EPS8: variants seen among roughly 807,000 people sequenced by gnomAD.
The protein encoded by EPS8 is EGFR pathway substrate 8, signaling adaptor.
In EPS8, 42 loss-of-function variants were observed where a neutral mutation model predicts 103.8. The observed-to-expected ratio is 0.40, with a 90% CI of 0.32 to 0.52. EPS8 has a LOEUF of 0.52. Ranked by LOEUF, EPS8 falls within the 20% of genes least tolerant of loss-of-function variation. The pLI is 0.40. For synonymous variants in EPS8, 344 were observed against 344.6 expected, an observed-to-expected ratio of 1.00 and a Z score of 0.02; for missense variants, 969 against 1,005.1, an observed-to-expected ratio of 0.96 and a Z score of 0.49.
At chr12:15,657,370 C>G (rs1216484780) in intron 12 of EPS8, among the ~76,000 whole-genome samples, 6 of 152,222 alleles carry the variant, frequency 3.9e-5, no homozygotes, top group Non-Finnish European at 2.9e-5. Context: ...TTCCCACACA[C>G]ATAGACACAT....
At chr12:15,720,489 G>T (rs1170900480) in intron 1 of EPS8, among the ~76,000 whole-genome samples, 2 of 152,064 alleles carry the variant, frequency 1.3e-5, no homozygotes, top group African/African-American at 2.4e-5. Flanking sequence ...AGAACATAAT[G>T]GTCACACTAC....
intron 15 of EPS8, among the ~76,000 whole-genome samples, chr12:15,643,879 T>C (rs1945275795): frequency 1.3e-5 from 2 of 152,180 alleles, no homozygotes; most frequent in African/African-American, 4.8e-5. Context: ...CAGCAGTAAT[T>C]TGAGAACTTC....
At chr12:15,722,506 G>C (rs1946607882) in intron 1 of EPS8, among the ~76,000 whole-genome samples, 1 of 152,196 alleles carries the variant, frequency 6.6e-6, no homozygotes, top group African/African-American at 2.4e-5. Context: ...AAGATGCTAT[G>C]TAAAAGGATA....
rs117971475 is a variant in EPS8, at chr12:15,690,270, C to T, written c.-21-7298G>A. ...TTAGGCAACTGCTGTACTGATTCAT[C>T]CCACTTCTCTAAATCATAAATACAT... On this transcript the variant is annotated intron_variant, in intron 1 of 20. Transcript: ENST00000281172. The surrounding 1 kb of genome is among the most constrained non-coding windows in gnomAD (Gnocchi z 4.7). Among the ~76,000 whole-genome samples the T allele has an allele frequency of 1.3e-3, 193 of 152,212 alleles. 4 individuals are homozygous for T. In the East Asian group the frequency reaches 0.035, roughly 28 times the overall value.
chr12:15,621,171 G>A lies in EPS8; in HGVS notation c.*146C>T, dbSNP rs1944855221. 1 of 480,306 alleles carries A rather than the reference G, an allele frequency of 2.1e-6. No homozygotes were observed. The highest frequency in any genetic ancestry group is 3.5e-6 in the Non-Finnish European group (1 of 282,872). 29.8% of individuals were successfully genotyped at this position (480,306 alleles called of 1,614,324 possible). On this transcript the variant is annotated 3_prime_UTR_variant, in exon 21 of 21. Transcript: ENST00000281172. ...AATAATGGGCCTAGAAGCAAATCCT[G>A]TGCTCACTCAGGTTTGCATGGGTTT...
In EPS8 at chr12:15,666,509, C is replaced by T; in HGVS notation, c.530G>A (p.Ser177Asn). 6.2e-7 allele frequency: 1 copy of T among 1,613,554 alleles called. No individual in the cohort carries two copies. Among genetic ancestry groups the T allele is most frequent in the Non-Finnish European group, 8.5e-7 (1 of 1,179,568 alleles). The part of the protein sequence containing the change: ...QCDEVKANLI[S>N]EDIESAISDS... ...ACTGATTGCACTTTCAATATCTTCA[C>T]TAATTAGGTTTGCCTGCAAAGAGAC... is the stretch of plus-strand genomic sequence containing the variant. Residue 177 changes from serine (S) to asparagine (N), a missense_variant, in exon 7 of 21, where the codon AGT becomes AAT. By Grantham distance (46) the Ser-to-Asn change is conservative. Transcript: ENST00000281172.
chr12:15,664,821 C>A (rs181896860), intron 8 of EPS8, among the ~76,000 whole-genome samples: 2 of 152,304 alleles, frequency 1.3e-5, no homozygotes, highest in East Asian at 3.9e-4. Context: ...ACAATTTATT[C>A]GTCCTTAAAA....
At chr12:15,712,058 T>G (rs2417472) in intron 1 of EPS8, among the ~76,000 whole-genome samples, 1 of 152,120 alleles carries the variant, frequency 6.6e-6, no homozygotes, top group Non-Finnish European at 1.5e-5. Context: ...TTAAATGTAA[T>G]AAATCAATAA....
At position 15,690,311 on chromosome 12, in the gene EPS8, A is replaced by G. The variant is rs1421393427; in HGVS notation, c.-21-7339T>C. Among the ~76,000 whole-genome samples the G allele has an allele frequency of 1.3e-5, 2 of 152,230 alleles. No homozygotes were observed. The highest frequency in any genetic ancestry group is 4.8e-5 in the African/African-American group (2 of 41,466). ...ATAAATACATCTCCCGAATATTACT[A>G]CAAGTAAAAACTTAATTGTTAAACC... On this transcript the variant is annotated intron_variant, in intron 1 of 20. Coordinates refer to ENST00000281172, the MANE Select transcript of EPS8 (RefSeq NM_004447.6). The surrounding 1 kb of genome is among the most constrained non-coding windows in gnomAD (Gnocchi z 4.7).
rs7137185 is a variant in EPS8, at chr12:15,623,230, A to C, written c.2283T>G (p.Asp761Glu). 7.9e-3 allele frequency: 12,814 copies of C among 1,613,380 alleles called. 82 individuals carry two copies. The highest frequency in any genetic ancestry group is 0.014 in the Middle Eastern group (84 of 6,056). Reference protein sequence around the residue: ...NGAQLFSLNKDELRTVCPEGA... With the variant: ...NGAQLFSLNKEELRTVCPEGA... Reference sequence around the variant, plus strand: ...CTTCAGGGCAGACTGTCCTCAGTTCATCCTTATTGAGAGAGAAAAGTTGTG... The same window carrying C: ...CTTCAGGGCAGACTGTCCTCAGTTCCTCCTTATTGAGAGAGAAAAGTTGTG... The change falls in exon 20 of 21, where the codon GAT becomes GAG. Residue 761 changes from aspartate (D) to glutamate (E), a missense_variant. Physicochemically the swap from Asp to Glu is conservative, Grantham distance 45. Coordinates refer to ENST00000281172, the MANE Select transcript of EPS8 (RefSeq NM_004447.6).
In EPS8 at chr12:15,704,905, C is replaced by T. The variant is rs188271358; in HGVS notation, c.-21-21933G>A. 7.2e-5 allele frequency among the ~76,000 whole-genome samples: 11 copies of T among 152,176 alleles called. No homozygotes were observed. In the East Asian group the frequency reaches 1.7e-3, roughly 24 times the overall value. ...ATTAACAATTTCCTTGGCATGCGTG[C>T]GCATGCACACACACACACAAAAAAC... On this transcript the variant is annotated intron_variant, in intron 1 of 20. Coordinates refer to ENST00000281172, the MANE Select transcript of EPS8 (RefSeq NM_004447.6). This position sits in a 1 kb window ranked among gnomAD's most constrained non-coding sequence, Gnocchi z 4.6.
At chr12:15,663,862 A>G (rs2135825145) in intron 8 of EPS8, among the ~76,000 whole-genome samples, 1 of 146,694 alleles carries the variant, frequency 6.8e-6, no homozygotes, top group South Asian at 2.2e-4. Flanking sequence ...CAAAGGTTGC[A>G]GTAAGCTGAG....
chr12:15,677,998 T>C (rs1945939375), intron 3 of EPS8, among the ~76,000 whole-genome samples: 1 of 152,178 alleles, frequency 6.6e-6, no homozygotes, highest in Admixed American at 6.5e-5. Flanking sequence ...ACCAAATCAT[T>C]CAGATTCATC....
chr12:15,669,584 CAA>C (rs1037086744), intron 5 of EPS8, 48 bp from the exon 6 acceptor site: 18 of 1,564,204 alleles, frequency 1.2e-5, no homozygotes, highest in Non-Finnish European at 1.6e-5. Flanking sequence ...CATCCATTTT[CAA>C]ACAATCTGAA....
At chr12:15,636,186 G>A (rs1945130980) in intron 17 of EPS8, among the ~76,000 whole-genome samples, 1 of 152,030 alleles carries the variant, frequency 6.6e-6, no homozygotes, top group African/African-American at 2.4e-5. Context: ...CTTCCAGGTG[G>A]GGAGAAAGAA....
At chr12:15,662,438 C>T in intron 8 of EPS8, 1 of 1,018,046 alleles carries the variant, frequency 9.8e-7, no homozygotes. Flanking sequence ...AAATATAAAC[C>T]AGCAGTCAAG....
At chr12:15,685,546 C>T (rs760006000) in intron 1 of EPS8, among the ~76,000 whole-genome samples, 1 of 152,272 alleles carries the variant, frequency 6.6e-6, no homozygotes, top group Middle Eastern at 3.4e-3. Context: ...CAAATAAATG[C>T]ATGGTCTCTC....
chr12:15,647,394 A>G (rs1054154732), intron 14 of EPS8, 134 bp from the exon 15 acceptor site: 2 of 718,478 alleles, frequency 2.8e-6, no homozygotes, highest in African/African-American at 1.8e-5. Flanking sequence ...ATGTTAACAC[A>G]TTATCAAATG....
rs11056618 is a variant in EPS8 at position 15,737,756 on chromosome 12, T to C, written c.-22+51405A>G. On this transcript the variant is annotated intron_variant, in intron 1 of 20. Coordinates refer to ENST00000281172, the MANE Select transcript of EPS8 (RefSeq NM_004447.6). ...TGATGCTACTGTGTTGTAGAAAATA[T>C]AGTTCTCAAAGCATATCCTAGTGAC... is the stretch of plus-strand genomic sequence containing the variant. Among the ~76,000 whole-genome samples the C allele has an allele frequency of 1.1e-3, 171 of 152,286 alleles. 2 individuals carry two copies. The East Asian group carries it at 0.031, about 27-fold the overall frequency.
Sources: allele counts gnomAD v4.1 joint callset (sites outside exome capture counted in the v4.1 genomes callset), GRCh38; gene constraint gnomAD v4.1.1; non-coding constraint Gnocchi (gnomAD v3.1); transcripts MANE v1.5; gene names NCBI Gene and HGNC (gene_info 2026-07-23, HGNC 2026-07-21).